NTRK1: variants seen among roughly 807,000 people sequenced by gnomAD.
NTRK1 encodes neurotrophic receptor tyrosine kinase 1.
A neutral mutation model predicts 86.8 loss-of-function variants in NTRK1; 62 were observed. The ratio of observed to expected loss-of-function variants is 0.71; its 90% CI spans 0.58 to 0.88. The LOEUF is 0.88. NTRK1 is among the 40% of genes least tolerant of loss of function. The probability of loss-of-function intolerance (pLI) is 0.00; values close to 1 mark genes in which losing one functional copy is unlikely to be tolerated. For missense variants in NTRK1, 967 were observed against 1,078.4 expected, an observed-to-expected ratio of 0.90 and a Z score of 1.45; for synonymous variants, 469 against 456.6, an observed-to-expected ratio of 1.03 and a Z score of -0.35.
intron 1 of NTRK1, among the ~76,000 whole-genome samples, chr1:156,861,526 C>A (rs1438263829): frequency 6.6e-6 from 1 of 152,226 alleles, no homozygotes. Context: ...CAGTTTGTCA[C>A]CCTTACTGCC....
rs774953295 is a variant in NTRK1, at chr1:156,849,463, G to A, written c.50+7270G>A. On this transcript the variant is annotated intron_variant, in intron 2 of 16. Transcript: ENST00000392302. ...CCAGCACGTAGAGAGTGTAGTTCCT[G>A]GGGGAGGCCAGGGGACCTTGCTCTG... 4.3e-6 allele frequency: 7 copies of A among 1,610,444 alleles called. No individual in the cohort carries two copies. In the South Asian group the frequency reaches 7.7e-5, roughly 18 times the overall value.
chr1:156,879,950 G>T (rs375530061), intron 15 of NTRK1, 49 bp from the exon 16 acceptor site: 2 of 1,607,308 alleles, frequency 1.2e-6, no homozygotes, highest in South Asian at 2.2e-5. Context: ...GTGCCTTGAC[G>T]GGCTGTCCCA....
rs1654064378 is a variant in NTRK1, at chr1:156,818,040, G to A, written c.-64+2202G>A. On this transcript the variant is annotated intron_variant, in intron 1 of 16. Transcript: ENST00000392302. ...AATTTATCTTCACAAACTAAGAAGG[G>A]GACAGGAACATTATCCCCATTTACC... is the stretch of plus-strand genomic sequence containing the variant. Among the ~76,000 whole-genome samples, 2 of 152,134 alleles carry A rather than the reference G, an allele frequency of 1.3e-5. 1 individual carries two copies. The highest frequency in any genetic ancestry group is 4.8e-5 in the African/African-American group (2 of 41,422).
intron 1 of NTRK1, among the ~76,000 whole-genome samples, chr1:156,828,958 A>G (rs1558076745): frequency 6.6e-6 from 1 of 152,212 alleles, no homozygotes; most frequent in South Asian, 2.1e-4. Context: ...TAAAAAGTGG[A>G]AGTCCATCCA....
At chr1:156,845,533 A>ACC in intron 2 of NTRK1, 1 of 728,022 alleles carries the variant, frequency 1.4e-6, no homozygotes. Flanking sequence ...GCAAGGCCCC[A>ACC]CCCACAAACC....
chr1:156,868,834 G>A (rs556731067), intron 6 of NTRK1, among the ~76,000 whole-genome samples, 187 bp downstream of exon 6: 19 of 152,298 alleles, frequency 1.2e-4, no homozygotes, highest in African/African-American at 4.1e-4. Flanking sequence ...CCCAGGGCAC[G>A]CACACACCCT....
Position 156,880,073 on chromosome 1 carries a change from G to A in NTRK1, c.2121G>A (p.Glu707=), listed in dbSNP as rs769291949. Residue 707 remains glutamate (E), a synonymous_variant, in exon 16 of 17, where the codon GAG becomes GAA. Transcript: ENST00000524377. ...ESILYRKFTT[E]SDVWSFGVVL... ...TCCTGTACCGTAAGTTCACCACCGA[G>A]AGCGACGTGTGGAGCTTCGGCGTGG... 1.2e-6 allele frequency: 2 copies of A among 1,613,564 alleles called. No homozygotes were observed. Among genetic ancestry groups the A allele is most frequent in the African/African-American group, 2.7e-5 (2 of 74,846 alleles).
rs771222681 is a variant in NTRK1, at chr1:156,868,176, G to A, written c.501G>A (p.Leu167=). 1.9e-5 allele frequency: 31 copies of A among 1,613,660 alleles called. No individual in the cohort carries two copies. Among genetic ancestry groups the A allele is most frequent in the Middle Eastern group, 1.6e-4 (1 of 6,084 alleles). The change falls in exon 5 of 17, where the codon CTG becomes CTA. Residue 167 remains leucine, a synonymous_variant. Coordinates refer to ENST00000524377, the MANE Select transcript of NTRK1 (RefSeq NM_002529.4). ...RWLQRWEEEG[L]GGVPEQKLQC... ...TACAGCGCTGGGAGGAGGAGGGACTGGGCGGAGTGCCTGAACAGAAGCTGC... is the reference window on the plus strand; with the variant it reads ...TACAGCGCTGGGAGGAGGAGGGACTAGGCGGAGTGCCTGAACAGAAGCTGC...
intron 6 of NTRK1, among the ~76,000 whole-genome samples, chr1:156,868,920 A>G (rs1647350686): frequency 6.6e-6 from 1 of 152,120 alleles, no homozygotes; most frequent in Admixed American, 6.5e-5. Flanking sequence ...TTCTGGGAAC[A>G]TGGTGTTGGC....
intron 2 of NTRK1, chr1:156,849,369 A>G: frequency 6.2e-7 from 1 of 1,613,864 alleles, no homozygotes; most frequent in Non-Finnish European, 8.5e-7. Context: ...AAGGCGAAGT[A>G]GATCTTGCCC....
At chr1:156,827,179 T>C (rs1196162068) in intron 1 of NTRK1, among the ~76,000 whole-genome samples, 2 of 51,012 alleles carry the variant, frequency 3.9e-5, no homozygotes, top group Non-Finnish European at 7.0e-5. Context: ...AACCCCCAGG[T>C]GCAAGCAATC....
intron 1 of NTRK1, among the ~76,000 whole-genome samples, chr1:156,822,752 A>G (rs533853294): frequency 6.6e-6 from 1 of 152,076 alleles, no homozygotes; most frequent in East Asian, 1.9e-4. Context: ...TTTTCCTGGT[A>G]GGGTGATCCA....
intron 1 of NTRK1, among the ~76,000 whole-genome samples, chr1:156,822,905 C>G (rs1654225757): frequency 6.6e-6 from 1 of 152,194 alleles, no homozygotes; most frequent in Non-Finnish European, 1.5e-5. Flanking sequence ...ATTCTCCTCC[C>G]TGACTCATGG....
chr1:156,859,463 C>A (rs1655530856), upstream of NTRK1, among the ~76,000 whole-genome samples: 1 of 152,150 alleles, frequency 6.6e-6, no homozygotes, highest in African/African-American at 2.4e-5. This position sits in a 1 kb window ranked among gnomAD's most constrained non-coding sequence, Gnocchi z 6.2. Flanking sequence ...TTCCCGGTGC[C>A]TTGACATCTG....
chr1:156,816,676 T>C (rs1437318851), intron 1 of NTRK1: 2 of 1,601,884 alleles, frequency 1.2e-6, no homozygotes, highest in South Asian at 1.1e-5. Flanking sequence ...CACACTTACC[T>C]TGGGGACATA....
chr1:156,839,776 G>T (rs1654707044), intron 1 of NTRK1, among the ~76,000 whole-genome samples: 1 of 152,166 alleles, frequency 6.6e-6, no homozygotes, highest in Non-Finnish European at 1.5e-5. Flanking sequence ...ATTAAGATGA[G>T]GTGTCCGGGA....
chr1:156,817,890 AC>A (rs1331713121), intron 1 of NTRK1, among the ~76,000 whole-genome samples: 24 of 152,124 alleles, frequency 1.6e-4, no homozygotes, highest in African/African-American at 5.3e-4. Flanking sequence ...TGATCCACCC[AC>A]CTCGGCCTCC....
chr1:156,866,851 G>T (rs2102889570), intron 3 of NTRK1, 59 bp from the exon 4 acceptor site: 2 of 1,563,586 alleles, frequency 1.3e-6, no homozygotes, highest in South Asian at 1.1e-5. Context: ...CCCTCATTCT[G>T]GTCAGAGTGA....
intron 1 of NTRK1, among the ~76,000 whole-genome samples, chr1:156,861,562 G>A (rs1298124730): frequency 1.3e-5 from 2 of 152,192 alleles, no homozygotes; most frequent in Non-Finnish European, 2.9e-5. Context: ...GGGCAAGCCA[G>A]CCCCCGCCCA....
Sources: gnomAD v4.1 joint callset for allele counts (sites outside exome capture counted in the v4.1 genomes callset) on GRCh38, gnomAD v4.1.1 for gene constraint, Gnocchi (gnomAD v3.1) non-coding constraint, MANE v1.5 for transcripts, NCBI Gene and HGNC (gene_info 2026-07-23, HGNC 2026-07-21) for gene names.